PTK2: variants seen among roughly 807,000 people sequenced by gnomAD.
PTK2 encodes protein tyrosine kinase 2.
In PTK2, 45 loss-of-function variants were observed where a neutral mutation model predicts 150.1. The ratio of observed to expected loss-of-function variants is 0.30; its 90% confidence interval spans 0.24 to 0.38. The LOEUF (loss-of-function observed/expected upper bound fraction) is 0.38, where lower values mean the gene tolerates loss of function less well. Ranked by LOEUF, PTK2 falls within the 10% of genes least tolerant of loss-of-function variation. The pLI, the probability that PTK2 is intolerant of heterozygous loss-of-function variation, is 1.00. For synonymous variants in PTK2, 432 were observed against 449.2 expected, an observed-to-expected ratio of 0.96 and a Z score of 0.48; for missense variants, 919 against 1,307.3, an observed-to-expected ratio of 0.70 and a Z score of 4.58.
chr8:140,726,337 A>C (rs1176876929), intron 22 of PTK2, among the ~76,000 whole-genome samples: 1 of 152,152 alleles, frequency 6.6e-6, no homozygotes, highest in Non-Finnish European at 1.5e-5. Context: ...TAGAACAGAA[A>C]AATGTATCTG....
At position 140,735,180 on chromosome 8, in the gene PTK2, C is replaced by T. The variant is rs961904842; in HGVS notation, c.2030+71G>A. 8 of 1,412,286 alleles carry T rather than the reference C, an allele frequency of 5.7e-6. No homozygotes were observed. The African/African-American group carries it at 1.1e-4, about 20-fold the overall frequency. 87.5% of individuals were successfully genotyped at this position (1,412,286 alleles called of 1,614,324 possible). A position where few individuals can be genotyped will look rare whatever the true frequency, so the allele number is the denominator to read the frequency against. On this transcript the variant is annotated intron_variant, in intron 22 of 31. Transcript: ENST00000522684. ...ATACTGATATAATGACCTTAAAATGCTATTACTGCAAGGAGGAGAAGCAGC... is the reference window on the plus strand; with the variant it reads ...ATACTGATATAATGACCTTAAAATGTTATTACTGCAAGGAGGAGAAGCAGC...
At chr8:140,935,693 T>G (rs2100173376) in intron 1 of PTK2, among the ~76,000 whole-genome samples, 1 of 114,894 alleles carries the variant, frequency 8.7e-6, no homozygotes, top group African/African-American at 2.9e-5. Context: ...ATGCTCAGTA[T>G]GTCCTCATCT....
chr8:140,897,058 T>C (rs887011027), intron 2 of PTK2, among the ~76,000 whole-genome samples: 1 of 152,200 alleles, frequency 6.6e-6, no homozygotes, highest in Non-Finnish European at 1.5e-5. Context: ...AACTGCTTCC[T>C]GGAAGAAAAG....
At chr8:140,776,520 C>T (rs1032498637) in intron 14 of PTK2, among the ~76,000 whole-genome samples, 1 of 152,018 alleles carries the variant, frequency 6.6e-6, no homozygotes. Flanking sequence ...TTTGCAGGAG[C>T]AATTTGGATT....
At chr8:140,913,211 T>G (rs2154608046) in intron 2 of PTK2, among the ~76,000 whole-genome samples, 1 of 152,260 alleles carries the variant, frequency 6.6e-6, no homozygotes, top group East Asian at 1.9e-4. Flanking sequence ...TCACCAGAAC[T>G]AATAAGCGAA....
chr8:140,982,996 C>T (rs1321835802), intron 1 of PTK2, among the ~76,000 whole-genome samples: 1 of 152,170 alleles, frequency 6.6e-6, no homozygotes, highest in Non-Finnish European at 1.5e-5. Flanking sequence ...AGAATTCTCA[C>T]TTGAAAGAAT....
At position 140,902,178 on chromosome 8, in the gene PTK2, C is replaced by T. The variant is rs559979937; in HGVS notation, c.-32-11409G>A. ...CCTCCTGGGTAGCTGGGATTACAGG[C>T]GCACGCCACCACGCCCAGCTAATTT... On this transcript the variant is annotated intron_variant, in intron 2 of 31. Coordinates refer to ENST00000522684, the Ensembl canonical transcript of PTK2. 3.7e-4 allele frequency among the ~76,000 whole-genome samples: 56 copies of T among 152,130 alleles called. 1 individual carries two copies. Among genetic ancestry groups the T allele is most frequent in the African/African-American group, 1.2e-3 (48 of 41,498 alleles).
At chr8:140,796,317 T>C (rs566124086) in intron 12 of PTK2, among the ~76,000 whole-genome samples, 1 of 152,276 alleles carries the variant, frequency 6.6e-6, no homozygotes, top group African/African-American at 2.4e-5. Flanking sequence ...TGAACATCTA[T>C]TTCAAGCAAA....
intron 14 of PTK2, among the ~76,000 whole-genome samples, chr8:140,788,756 T>C (rs2100086488): frequency 6.6e-6 from 1 of 152,110 alleles, no homozygotes; most frequent in Admixed American, 6.6e-5. Flanking sequence ...AAGGAAACTA[T>C]TATTTCAGAA....
chr8:140,993,270 C>G (rs2100196410), intron 1 of PTK2, among the ~76,000 whole-genome samples: 1 of 152,194 alleles, frequency 6.6e-6, no homozygotes, highest in Non-Finnish European at 1.5e-5. Flanking sequence ...GCCTCTGCCT[C>G]CCAAAGTGCT....
At chr8:140,784,532 T>C (rs2100083750) in intron 14 of PTK2, among the ~76,000 whole-genome samples, 2 of 152,180 alleles carry the variant, frequency 1.3e-5, no homozygotes, top group South Asian at 4.1e-4. Flanking sequence ...GATTTGGAAA[T>C]ACCTGATTTC....
At chr8:140,746,831 T>C (rs562435589) in exon 18 of PTK2, 2 of 1,612,676 alleles carry the variant, frequency 1.2e-6, no homozygotes, top group Admixed American at 1.7e-5. Flanking sequence ...AGCTTCACAA[T>C]ATGAGGATGG....
chr8:140,906,502 T>G (rs1444522986), intron 2 of PTK2, among the ~76,000 whole-genome samples: 1 of 152,160 alleles, frequency 6.6e-6, no homozygotes. Context: ...TGAAATCTTG[T>G]CAGCTGCAGC....
intron 17 of PTK2, among the ~76,000 whole-genome samples, chr8:140,749,228 T>TCA (rs2100061313): frequency 2.0e-5 from 3 of 152,212 alleles, no homozygotes; most frequent in Admixed American, 2.0e-4. Context: ...TAATTAAATC[T>TCA]CACCTTGTCA....
chr8:140,770,767 C>T, intron 14 of PTK2: 1 of 1,349,218 alleles, frequency 7.4e-7, no homozygotes. Context: ...AAGCGCCTAG[C>T]TTTCTTAACT....
At chr8:140,743,455 T>C (rs1475465302) in intron 19 of PTK2, 125 bp from the exon 23 acceptor site, 2 of 539,172 alleles carry the variant, frequency 3.7e-6, no homozygotes, top group Non-Finnish European at 6.4e-6. Flanking sequence ...GCAGATTATA[T>C]GATATTTATT....
At chr8:140,825,441 A>G (rs2100111257) in intron 8 of PTK2, among the ~76,000 whole-genome samples, 1 of 152,260 alleles carries the variant, frequency 6.6e-6, no homozygotes, top group Non-Finnish European at 1.5e-5. Context: ...GTAGTATTCT[A>G]GGAAACCACA....
At chr8:140,681,327 T>C (rs2100016772) in intron 27 of PTK2, among the ~76,000 whole-genome samples, 2 of 149,722 alleles carry the variant, frequency 1.3e-5, no homozygotes, top group Admixed American at 1.3e-4. Flanking sequence ...CACTCCAGCC[T>C]AGGTGACAGC....
intron 17 of PTK2, among the ~76,000 whole-genome samples, chr8:140,747,734 G>T (rs1313165570): frequency 2.8e-4 from 26 of 91,752 alleles, no homozygotes; most frequent in Admixed American, 1.7e-3. Flanking sequence ...GGGGAGGAAG[G>T]AAGTAGGAGG....
Sources: gnomAD v4.1 joint callset for allele counts (sites outside exome capture counted in the v4.1 genomes callset) on GRCh38, gnomAD v4.1.1 for gene constraint, MANE v1.5 for transcripts, NCBI Gene and HGNC (gene_info 2026-07-23, HGNC 2026-07-21) for gene names.